The following ZHX2 variants were observed in gnomAD, a reference collection of about 807,000 sequenced individuals.
The protein encoded by ZHX2 is zinc fingers and homeoboxes 2, also known as zinc fingers and homeoboxes protein 2.
Under a neutral mutation model 21.9 loss-of-function variants are expected in ZHX2, and 6 were observed. That is an observed-to-expected ratio of 0.27 (90% CI 0.15 to 0.54). The LOEUF is 0.54. Among genes scored for constraint, ZHX2 ranks in the 20% least tolerant of loss-of-function variants. The pLI is 0.95. For synonymous variants in ZHX2, 434 were observed against 437.1 expected (o/e 0.99, Z 0.09); for missense variants, 908 against 1,090.7 (o/e 0.83, Z 2.36).
chr8:122,844,333 A>G (rs376478808), intron 1 of ZHX2, among the ~76,000 whole-genome samples: 11 of 152,360 alleles, frequency 7.2e-5, no homozygotes, highest in African/African-American at 2.4e-4. Flanking sequence ...TGACATTGCA[A>G]TTGGTGTTGA....
At chr8:122,837,836 G>A (rs1818538566) in intron 1 of ZHX2, among the ~76,000 whole-genome samples, 1 of 152,204 alleles carries the variant, frequency 6.6e-6, no homozygotes, top group Admixed American at 6.5e-5. Context: ...TTAAGGCTGA[G>A]AAGAAAGAGA....
At chr8:122,903,086 G>A (rs1820269574) in intron 2 of ZHX2, among the ~76,000 whole-genome samples, 1 of 152,168 alleles carries the variant, frequency 6.6e-6, no homozygotes, top group Admixed American at 6.5e-5. Flanking sequence ...CCTCCTAGCT[G>A]GGTGACTGCT....
chr8:122,781,408 C>T (rs983564655), upstream of ZHX2: 3 of 152,300 alleles, frequency 2.0e-5, no homozygotes, highest in Admixed American at 2.0e-4. The surrounding 1 kb of genome is among the most constrained non-coding windows in gnomAD (Gnocchi z 4.6). Context: ...CTCCTCTTCT[C>T]GCAGAAATTC....
chr8:122,817,034 T>A (rs189633837), intron 1 of ZHX2, among the ~76,000 whole-genome samples: 427 of 152,070 alleles, frequency 2.8e-3, no homozygotes, highest in African/African-American at 9.7e-3. Flanking sequence ...GAACAAAAAG[T>A]GGGGGATTTT....
chr8:122,841,422 C>T (rs1818624065), intron 1 of ZHX2, among the ~76,000 whole-genome samples: 1 of 152,174 alleles, frequency 6.6e-6, no homozygotes, highest in Admixed American at 6.5e-5. Context: ...TTCCTGAGCA[C>T]ACCTTGCAGG....
intron 2 of ZHX2, among the ~76,000 whole-genome samples, chr8:122,939,252 T>A (rs933961370): frequency 6.6e-6 from 1 of 152,212 alleles, no homozygotes; most frequent in African/African-American, 2.4e-5. Flanking sequence ...TGGTGGAACA[T>A]GTCCAGGGTC....
At chr8:122,824,752 A>G (rs1436539499) in intron 1 of ZHX2, among the ~76,000 whole-genome samples, 1 of 152,246 alleles carries the variant, frequency 6.6e-6, no homozygotes, top group African/African-American at 2.4e-5. Context: ...AGAAAACAAC[A>G]GAAATTTGTT....
intron 2 of ZHX2, among the ~76,000 whole-genome samples, chr8:122,899,072 C>G (rs1820165449): frequency 6.6e-6 from 1 of 152,214 alleles, no homozygotes; most frequent in South Asian, 2.1e-4. Context: ...AACACCTATG[C>G]AGCAAATGTG....
chr8:122,898,424 G>C (rs767927687), intron 2 of ZHX2, among the ~76,000 whole-genome samples: 5 of 152,128 alleles, frequency 3.3e-5, no homozygotes, highest in Admixed American at 6.5e-5. Context: ...AAAAGGATCT[G>C]ACAACCACTT....
At chr8:122,893,907 C>G (rs1286606928) in intron 2 of ZHX2, among the ~76,000 whole-genome samples, 1 of 152,140 alleles carries the variant, frequency 6.6e-6, no homozygotes, top group East Asian at 1.9e-4. Context: ...TTCTGTGTCC[C>G]TATATTGATA....
At chr8:122,959,986 C>G (rs1813404346) in intron 3 of ZHX2, among the ~76,000 whole-genome samples, 1 of 152,138 alleles carries the variant, frequency 6.6e-6, no homozygotes, top group African/African-American at 2.4e-5. Flanking sequence ...AGAGACATTC[C>G]TAATAAGTGA....
chr8:122,882,279 G>A (rs1819730449), intron 2 of ZHX2, among the ~76,000 whole-genome samples: 1 of 151,932 alleles, frequency 6.6e-6, no homozygotes, highest in Non-Finnish European at 1.5e-5. Flanking sequence ...GGAAACAATA[G>A]CCTCTACTTG....
chr8:122,842,212 GA>G (rs894608657), intron 1 of ZHX2, among the ~76,000 whole-genome samples: 8 of 152,188 alleles, frequency 5.3e-5, no homozygotes, highest in Admixed American at 1.3e-4. Context: ...AAGGTTGTAG[GA>G]AATTCATCTC....
chr8:122,834,524 C>T (rs1233727280), intron 1 of ZHX2, among the ~76,000 whole-genome samples: 4 of 152,214 alleles, frequency 2.6e-5, no homozygotes, highest in African/African-American at 9.6e-5. Context: ...GCCTGCAGGG[C>T]CCCTGATGGC....
At chr8:122,909,258 C>G (rs549492722) in intron 2 of ZHX2, among the ~76,000 whole-genome samples, 160 of 152,046 alleles carry the variant, frequency 1.1e-3, no homozygotes, top group African/African-American at 3.5e-3. Context: ...GGGTGAAACC[C>G]CCGTCTCTAC....
intron 1 of ZHX2, among the ~76,000 whole-genome samples, chr8:122,860,542 T>A (rs1819139661): frequency 6.6e-6 from 1 of 152,190 alleles, no homozygotes; most frequent in Admixed American, 6.5e-5. Context: ...ACAGTTAAAA[T>A]GGCATGCTAA....
At chr8:122,920,229 G>T (rs1161027833) in intron 2 of ZHX2, among the ~76,000 whole-genome samples, 1 of 152,206 alleles carries the variant, frequency 6.6e-6, no homozygotes, top group Admixed American at 6.5e-5. Context: ...AGCCGAGATC[G>T]TGCCGTTGCA....
intron 2 of ZHX2, among the ~76,000 whole-genome samples, chr8:122,880,252 G>T (rs1412592647): frequency 6.6e-6 from 1 of 151,978 alleles, no homozygotes; most frequent in Non-Finnish European, 1.5e-5. Flanking sequence ...GGGATTACAG[G>T]CATGAGCCAC....
At chr8:122,812,088 A>T (rs1817942625) in intron 1 of ZHX2, 1 of 152,154 alleles carries the variant, frequency 6.6e-6, no homozygotes, top group African/African-American at 2.4e-5. Flanking sequence ...GTAACCTTAG[A>T]CTCGAGGGAA....
Sources: allele counts gnomAD v4.1 joint callset (sites outside exome capture counted in the v4.1 genomes callset), GRCh38; gene constraint gnomAD v4.1.1; non-coding constraint Gnocchi (gnomAD v3.1); transcripts MANE v1.5; gene names NCBI Gene and HGNC (gene_info 2026-07-23, HGNC 2026-07-21).